The following GRIK1 variants were observed in gnomAD, a reference collection of about 807,000 sequenced individuals.
The protein encoded by GRIK1 is glutamate ionotropic receptor kainate type subunit 1.
A neutral mutation model predicts 105.7 loss-of-function variants in GRIK1; 69 were observed. The observed-to-expected ratio is 0.65, with a 90% CI of 0.54 to 0.80. The LOEUF (loss-of-function observed/expected upper bound fraction) is 0.80, where lower values mean the gene tolerates loss of function less well. GRIK1 is among the 30% of genes least tolerant of loss of function. The pLI, the probability that GRIK1 is intolerant of heterozygous loss-of-function variation, is 0.00. For synonymous variants in GRIK1, 438 were observed against 431.3 expected (o/e 1.02, Z -0.19); for missense variants, 1,109 against 1,167.3 (o/e 0.95, Z 0.73).
At chr21:29,714,884 C>T (rs977461651) in intron 1 of GRIK1, among the ~76,000 whole-genome samples, 35 of 152,122 alleles carry the variant, frequency 2.3e-4, no homozygotes, top group Non-Finnish European at 2.8e-4. Flanking sequence ...GTTATGATAA[C>T]GCTAAATGAT....
At chr21:29,600,939 T>C (rs2146329093) in intron 7 of GRIK1, among the ~76,000 whole-genome samples, 1 of 152,362 alleles carries the variant, frequency 6.6e-6, no homozygotes, top group East Asian at 1.9e-4. Context: ...AAGTACATAA[T>C]GGATTCATTC....
In GRIK1 at chr21:29,537,219, G is replaced by A. The variant is rs373922189; in HGVS notation, c.*11C>T. ...ATGCATCCTTTTTCTTCCTACAGGC[G>A]TTTCCTTGGATCACGCCACAGTCTC... On this transcript the variant is annotated 3_prime_UTR_variant, in exon 18 of 18. Transcript: ENST00000327783. 1.5e-4 allele frequency: 234 copies of A among 1,571,640 alleles called. No individual in the cohort carries two copies. The highest frequency in any genetic ancestry group is 1.9e-4 in the Non-Finnish European group (222 of 1,163,862).
intron 1 of GRIK1, among the ~76,000 whole-genome samples, chr21:29,725,014 A>C (rs2064419013): frequency 6.6e-6 from 1 of 151,650 alleles, no homozygotes; most frequent in Non-Finnish European, 1.5e-5. Flanking sequence ...ACCTAAAAAA[A>C]AAAAAAAAAA....
chr21:29,895,352 G>T lies in GRIK1; in HGVS notation c.118+44031C>A, dbSNP rs559535578. ...GGAGGCATGTGGATAGGGAGATCTCGTCAAAATCCTTGAGAATCACACCTT... is the reference window on the plus strand; with the variant it reads ...GGAGGCATGTGGATAGGGAGATCTCTTCAAAATCCTTGAGAATCACACCTT... On this transcript the variant is annotated intron_variant, in intron 1 of 17. Transcript: ENST00000327783. 2.0e-5 allele frequency among the ~76,000 whole-genome samples: 3 copies of T among 152,276 alleles called. No homozygotes were observed. The South Asian group carries it at 6.2e-4, about 32-fold the overall frequency.
chr21:29,787,603 A>T (rs1224719339), intron 1 of GRIK1, among the ~76,000 whole-genome samples: 1 of 152,256 alleles, frequency 6.6e-6, no homozygotes, highest in East Asian at 1.9e-4. Context: ...TTTCGAAGAC[A>T]AATCATATAT....
intron 14 of GRIK1, among the ~76,000 whole-genome samples, chr21:29,572,224 C>A (rs948278592): frequency 2.0e-5 from 3 of 152,134 alleles, no homozygotes; most frequent in African/African-American, 7.2e-5. Context: ...GTGTACATCC[C>A]TCTGACGCTT....
At chr21:29,847,410 A>T (rs2068156727) in intron 1 of GRIK1, among the ~76,000 whole-genome samples, 1 of 152,200 alleles carries the variant, frequency 6.6e-6, no homozygotes. Flanking sequence ...CCTGGCCAAC[A>T]TGGTGAAACT....
At chr21:29,752,155 C>G (rs956128042) in intron 1 of GRIK1, among the ~76,000 whole-genome samples, 1 of 152,186 alleles carries the variant, frequency 6.6e-6, no homozygotes, top group African/African-American at 2.4e-5. Context: ...CTCTTATATA[C>G]TTTTGATCTC....
intron 1 of GRIK1, among the ~76,000 whole-genome samples, chr21:29,766,834 T>C (rs2065679650): frequency 6.6e-6 from 1 of 151,738 alleles, no homozygotes; most frequent in Non-Finnish European, 1.5e-5. Context: ...TTCTAAATCT[T>C]CTTGAGGTTA....
intron 1 of GRIK1, among the ~76,000 whole-genome samples, chr21:29,938,629 C>T (rs1339134101): frequency 6.6e-6 from 1 of 152,152 alleles, no homozygotes; most frequent in Non-Finnish European, 1.5e-5. Flanking sequence ...CATTCGAGAT[C>T]AGAGCCCTGA....
At chr21:29,544,485 C>A (rs756338163) in intron 16 of GRIK1, among the ~76,000 whole-genome samples, 4 of 152,104 alleles carry the variant, frequency 2.6e-5, no homozygotes, top group Non-Finnish European at 4.4e-5. Flanking sequence ...ACTCTGTGTG[C>A]TTTTTTCCAG....
intron 1 of GRIK1, among the ~76,000 whole-genome samples, chr21:29,869,585 A>T (rs2146128349): frequency 6.6e-6 from 1 of 152,360 alleles, no homozygotes; most frequent in East Asian, 1.9e-4. Flanking sequence ...TTCCATAGGA[A>T]CTAGGAGTTA....
In GRIK1 at chr21:29,537,395, A is replaced by G; in HGVS notation, c.2695-10T>C. 2 of 1,604,012 alleles carry G rather than the reference A, an allele frequency of 1.2e-6. No individual in the cohort carries two copies. The highest frequency in any genetic ancestry group is 8.5e-7 in the Non-Finnish European group (1 of 1,174,466). Reference sequence around the variant, plus strand: ...CGTTGAAAGAGAGACACTAGGGAACATGAGATACAGACCATCAGCTTAATT... The same window carrying G: ...CGTTGAAAGAGAGACACTAGGGAACGTGAGATACAGACCATCAGCTTAATT... On this transcript the variant is annotated splice_polypyrimidine_tract_variant and intron_variant, in intron 17 of 17. Coordinates refer to ENST00000327783, the MANE Select transcript of GRIK1 (RefSeq NM_001330994.2).
At chr21:29,834,808 AATATTAAT>A (rs2067739074) in intron 1 of GRIK1, among the ~76,000 whole-genome samples, 1 of 150,322 alleles carries the variant, frequency 6.7e-6, no homozygotes, top group Non-Finnish European at 1.5e-5. Context: ...TTATTTATTC[AATATTAAT>A]ATTGAATATT....
chr21:29,883,300 T>C (rs926785349), intron 1 of GRIK1, among the ~76,000 whole-genome samples: 5 of 152,240 alleles, frequency 3.3e-5, no homozygotes, highest in Admixed American at 1.3e-4. Flanking sequence ...TTAGAACTGA[T>C]AATAAGTGCA....
At chr21:29,884,821 A>G (rs2069550557) in intron 1 of GRIK1, among the ~76,000 whole-genome samples, 1 of 152,064 alleles carries the variant, frequency 6.6e-6, no homozygotes, top group Admixed American at 6.6e-5. Context: ...AGCTACATGC[A>G]TAAAGTTATG....
chr21:29,570,288 G>A (rs1211983147), intron 14 of GRIK1, among the ~76,000 whole-genome samples: 1 of 152,038 alleles, frequency 6.6e-6, no homozygotes, highest in Non-Finnish European at 1.5e-5. Context: ...GGATTACAAG[G>A]TCAGGAGTTC....
chr21:29,901,578 T>A (rs772261757), intron 1 of GRIK1, among the ~76,000 whole-genome samples: 2 of 151,898 alleles, frequency 1.3e-5, no homozygotes, highest in Non-Finnish European at 2.9e-5. Flanking sequence ...ACATACACCC[T>A]CCCAAGACTA....
At chr21:29,830,899 T>C (rs2067614959) in intron 1 of GRIK1, among the ~76,000 whole-genome samples, 1 of 152,054 alleles carries the variant, frequency 6.6e-6, no homozygotes, top group African/African-American at 2.4e-5. Flanking sequence ...ATGACAAAAA[T>C]ATATTAATGA....
Sources: gnomAD v4.1 joint callset for allele counts (sites outside exome capture counted in the v4.1 genomes callset) on GRCh38, gnomAD v4.1.1 for gene constraint, MANE v1.5 for transcripts, NCBI Gene and HGNC (gene_info 2026-07-23, HGNC 2026-07-21) for gene names.